Variants in SPAG16 observed in about 807,000 individuals in gnomAD.
SPAG16 encodes the protein sperm-associated antigen 16 protein.
Under a neutral mutation model 80.4 loss-of-function variants are expected in SPAG16, and 86 were observed. The observed-to-expected ratio is 1.07, with a 90% confidence interval of 0.90 to 1.28. The LOEUF (loss-of-function observed/expected upper bound fraction) is 1.28, where lower values mean the gene tolerates loss of function less well. Ranked by LOEUF, SPAG16 falls within the 50% of genes most tolerant of loss-of-function variation. The pLI is 0.00. For missense variants in SPAG16, 870 were observed against 765.3 expected (o/e 1.14, Z -1.61); for synonymous variants, 294 against 265.9 (o/e 1.11, Z -1.03).
intron 15 of SPAG16, among the ~76,000 whole-genome samples, chr2:214,321,323 T>C (rs1696078596): frequency 6.6e-6 from 1 of 152,114 alleles, no homozygotes; most frequent in Admixed American, 6.5e-5. Context: ...CATGAATAGA[T>C]GAGAATAAAT....
chr2:213,395,162 T>C (rs1466394963), intron 9 of SPAG16, among the ~76,000 whole-genome samples: 1 of 152,152 alleles, frequency 6.6e-6, no homozygotes, highest in Admixed American at 6.5e-5. Flanking sequence ...TTTTATGGAC[T>C]TTTTTTCAAA....
chr2:213,396,615 T>C (rs758265280), intron 9 of SPAG16: 145 of 455,074 alleles, frequency 3.2e-4, no homozygotes, highest in Non-Finnish European at 4.5e-4. Context: ...CTCTCAAACT[T>C]GGAATAAGAC....
intron 14 of SPAG16, among the ~76,000 whole-genome samples, chr2:214,115,874 C>T (rs2053906893): frequency 9.0e-6 from 1 of 111,288 alleles, no homozygotes. Context: ...GAGACTCCAT[C>T]TCAAAAAAAA....
chr2:214,386,103 G>T (rs149810969), intron 15 of SPAG16, among the ~76,000 whole-genome samples: 23 of 152,116 alleles, frequency 1.5e-4, no homozygotes, highest in African/African-American at 4.3e-4. Context: ...GGCTGGGTGC[G>T]GTGGCTCATG....
intron 13 of SPAG16, among the ~76,000 whole-genome samples, chr2:214,031,716 G>T (rs558205386): frequency 7.5e-4 from 114 of 152,048 alleles, no homozygotes; most frequent in African/African-American, 2.6e-3. Flanking sequence ...AGTTTTACAG[G>T]CTCTATAGGA....
chr2:213,829,714 G>A (rs2073516841), intron 10 of SPAG16, among the ~76,000 whole-genome samples: 1 of 152,118 alleles, frequency 6.6e-6, no homozygotes, highest in Non-Finnish European at 1.5e-5. Context: ...TTCATCAGTA[G>A]GTAATGAATC....
At chr2:213,792,069 C>T (rs1481298677) in intron 10 of SPAG16, among the ~76,000 whole-genome samples, 1 of 152,050 alleles carries the variant, frequency 6.6e-6, no homozygotes, top group Non-Finnish European at 1.5e-5. Flanking sequence ...CAGTATTCAT[C>T]GAGACAAATT....
At chr2:214,014,467 A>G (rs1333199110) in intron 13 of SPAG16, among the ~76,000 whole-genome samples, 1 of 152,218 alleles carries the variant, frequency 6.6e-6, no homozygotes, top group African/African-American at 2.4e-5. Context: ...AAGACTATCT[A>G]AATACAGGGG....
chr2:213,728,009 C>T lies in SPAG16; in HGVS notation c.1071-134476C>T, dbSNP rs191836157. Among the ~76,000 whole-genome samples, 40 of 152,126 alleles carry T rather than the reference C, an allele frequency of 2.6e-4. No homozygotes were observed. In the East Asian group the frequency reaches 6.0e-3, roughly 23 times the overall value. Reference sequence around the variant, plus strand: ...GATTACAGGCACCCGCCACCACTCTCGGTTAATTTTTGTATTTTTAGTGGA... The same window carrying T: ...GATTACAGGCACCCGCCACCACTCTTGGTTAATTTTTGTATTTTTAGTGGA... On this transcript the variant is annotated intron_variant, in intron 10 of 15. Coordinates refer to ENST00000331683, the MANE Select transcript of SPAG16 (RefSeq NM_024532.5).
At chr2:213,817,863 C>G (rs569840986) in intron 10 of SPAG16, among the ~76,000 whole-genome samples, 3 of 152,226 alleles carry the variant, frequency 2.0e-5, no homozygotes, top group Admixed American at 2.0e-4. Context: ...CTACTGGGTA[C>G]TATATAGGCT....
chr2:213,761,884 C>CA (rs75203652), intron 10 of SPAG16, among the ~76,000 whole-genome samples: 7 of 151,016 alleles, frequency 4.6e-5, no homozygotes, highest in South Asian at 4.2e-4. Context: ...AAAATAAAAA[C>CA]AAAAAAACAA....
intron 13 of SPAG16, among the ~76,000 whole-genome samples, chr2:214,054,161 C>T (rs1422149477): frequency 6.6e-6 from 1 of 152,076 alleles, no homozygotes; most frequent in Non-Finnish European, 1.5e-5. Context: ...AGGTGCCCGC[C>T]CCCATACCCG....
At chr2:214,279,199 C>T (rs1003824958) in intron 15 of SPAG16, among the ~76,000 whole-genome samples, 4 of 150,562 alleles carry the variant, frequency 2.7e-5, no homozygotes, top group African/African-American at 7.3e-5. Flanking sequence ...CGGGTACAAA[C>T]GATTCTCCTG....
chr2:214,093,216 T>C (rs1559783219), intron 13 of SPAG16, among the ~76,000 whole-genome samples: 1 of 152,056 alleles, frequency 6.6e-6, no homozygotes, highest in East Asian at 1.9e-4. Context: ...AATAGTTGTA[T>C]CTTAAATTAT....
chr2:214,366,343 C>T (rs1219954330), intron 15 of SPAG16, among the ~76,000 whole-genome samples: 1 of 152,066 alleles, frequency 6.6e-6, no homozygotes, highest in African/African-American at 2.4e-5. Context: ...TGACTATGGT[C>T]GTAGCAGGTA....
At chr2:213,336,582 G>A (rs538250454) in intron 5 of SPAG16, among the ~76,000 whole-genome samples, 4 of 152,220 alleles carry the variant, frequency 2.6e-5, no homozygotes, top group Non-Finnish European at 5.9e-5. Context: ...GTCTGGACTA[G>A]GAGCAATTCC....
At chr2:213,286,067 C>G (rs2062045092) in intron 1 of SPAG16, 1 of 490,486 alleles carries the variant, frequency 2.0e-6, no homozygotes, top group East Asian at 7.0e-5. Flanking sequence ...ACACAACTTT[C>G]AGCAATGAAA....
At chr2:214,341,173 T>A (rs539284751) in intron 15 of SPAG16, among the ~76,000 whole-genome samples, 9 of 152,232 alleles carry the variant, frequency 5.9e-5, no homozygotes, top group African/African-American at 2.2e-4. Context: ...AAGTAAAATA[T>A]TTAACTAGAA....
intron 15 of SPAG16, among the ~76,000 whole-genome samples, chr2:214,254,753 A>G (rs751902067): frequency 9.9e-5 from 15 of 151,350 alleles, no homozygotes; most frequent in South Asian, 2.1e-4. Context: ...AGTCATATTT[A>G]TAACTAGGCT....
Sources: gnomAD v4.1 joint callset for allele counts (sites outside exome capture counted in the v4.1 genomes callset) on GRCh38, gnomAD v4.1.1 for gene constraint, MANE v1.5 for transcripts, NCBI Gene and HGNC (gene_info 2026-07-23, HGNC 2026-07-21) for gene names.